SLCO1B3: variants seen among roughly 807,000 people sequenced by gnomAD.
The protein encoded by SLCO1B3 is liver-specific organic anion transporter 2.
A neutral mutation model predicts 71.8 loss-of-function variants in SLCO1B3; 72 were observed. That is an observed-to-expected ratio of 1.00 (90% CI 0.83 to 1.22). SLCO1B3 has a LOEUF of 1.22. SLCO1B3 is among the 50% of genes most tolerant of loss of function. SLCO1B3 has a pLI of 0.00. For synonymous variants in SLCO1B3, 298 were observed against 278.4 expected, an observed-to-expected ratio of 1.07 and a Z score of -0.70; for missense variants, 911 against 819.7, an observed-to-expected ratio of 1.11 and a Z score of -1.36.
At chr12:20,832,078 T>C (rs1009049308) in intron 3 of SLCO1B3, among the ~76,000 whole-genome samples, 2 of 152,216 alleles carry the variant, frequency 1.3e-5, no homozygotes, top group Non-Finnish European at 2.9e-5. Context: ...TGCTCTCAAC[T>C]CTGTTTCACA....
intron 3 of SLCO1B3, among the ~76,000 whole-genome samples, chr12:20,842,590 A>AT (rs1469958208): frequency 6.6e-6 from 1 of 152,066 alleles, no homozygotes; most frequent in Non-Finnish European, 1.5e-5. Flanking sequence ...GCATATTTAG[A>AT]TTTTTCAAAA....
Position 20,894,095 on chromosome 12 carries a change from G to C in SLCO1B3, c.1683-4341G>C, listed in dbSNP as rs138826263. On this transcript the variant is annotated intron_variant, in intron 13 of 15. Coordinates refer to ENST00000381545, the MANE Select transcript of SLCO1B3 (RefSeq NM_019844.4). ...ATTACCTCAAGAAACAGCAGGTCATGATGGTTGATTGTCATTAGAAAGAAC... is the reference window on the plus strand; with the variant it reads ...ATTACCTCAAGAAACAGCAGGTCATCATGGTTGATTGTCATTAGAAAGAAC... Among the ~76,000 whole-genome samples, 23 of 152,320 alleles carry C rather than the reference G, an allele frequency of 1.5e-4. No individual in the cohort carries two copies. The East Asian group carries it at 4.4e-3, about 29-fold the overall frequency.
intron 3 of SLCO1B3, among the ~76,000 whole-genome samples, chr12:20,826,524 A>G (rs1864425409): frequency 6.6e-6 from 1 of 151,854 alleles, no homozygotes; most frequent in African/African-American, 2.4e-5. Context: ...ATTATAAATA[A>G]TTTCCCTTTA....
intron 8 of SLCO1B3, among the ~76,000 whole-genome samples, chr12:20,873,851 G>T (rs1865525759): frequency 6.6e-6 from 1 of 152,102 alleles, no homozygotes; most frequent in Admixed American, 6.6e-5. Flanking sequence ...GTGAGAACAT[G>T]CAGTGTTTGA....
intron 10 of SLCO1B3, among the ~76,000 whole-genome samples, chr12:20,878,372 A>C (rs1373685847): frequency 1.3e-5 from 2 of 152,140 alleles, no homozygotes; most frequent in African/African-American, 4.8e-5. Flanking sequence ...AAGGAGAATC[A>C]ATTTAAATAC....
chr12:20,830,463 T>C (rs576641086), intron 3 of SLCO1B3, among the ~76,000 whole-genome samples: 77 of 152,266 alleles, frequency 5.1e-4, no homozygotes, highest in Non-Finnish European at 9.4e-4. Context: ...AATGAGCAGG[T>C]AGGTAAATAG....
intron 13 of SLCO1B3, among the ~76,000 whole-genome samples, chr12:20,885,730 G>GA (rs752183239): frequency 3.5e-4 from 53 of 151,926 alleles, no homozygotes; most frequent in Non-Finnish European, 6.3e-4. Context: ...TACAAGGTTA[G>GA]AAAAAAGTGT....
chr12:20,910,227 A>T (rs1283081783), intron 15 of SLCO1B3, among the ~76,000 whole-genome samples: 3 of 152,154 alleles, frequency 2.0e-5, no homozygotes, highest in Admixed American at 6.5e-5. Context: ...TCTCCATTGT[A>T]GTACCTTTAT....
At chr12:20,911,722 G>A (rs1205562089) in intron 15 of SLCO1B3, among the ~76,000 whole-genome samples, 1 of 152,174 alleles carries the variant, frequency 6.6e-6, no homozygotes, top group Non-Finnish European at 1.5e-5. Flanking sequence ...TTGGGGGCAT[G>A]ATGTTGTTTA....
chr12:20,882,484 GCCTCCACC>G (rs1565601153), intron 12 of SLCO1B3, among the ~76,000 whole-genome samples: 1 of 151,862 alleles, frequency 6.6e-6, no homozygotes, highest in Non-Finnish European at 1.5e-5. Flanking sequence ...GCTCACTGCA[GCCTCCACC>G]TCCTGGGTTC....
At chr12:20,825,529 C>G (rs1247411681) in intron 3 of SLCO1B3, among the ~76,000 whole-genome samples, 1 of 152,056 alleles carries the variant, frequency 6.6e-6, no homozygotes, top group Non-Finnish European at 1.5e-5. Flanking sequence ...GCCACGGTGG[C>G]TCATTCTTGT....
chr12:20,905,723 A>G (rs1288084446), intron 15 of SLCO1B3, among the ~76,000 whole-genome samples: 1 of 152,186 alleles, frequency 6.6e-6, no homozygotes, highest in African/African-American at 2.4e-5. Flanking sequence ...CATTGTCCAT[A>G]TCACTAGCAG....
At chr12:20,912,735 G>A (rs1017200123) in intron 15 of SLCO1B3, among the ~76,000 whole-genome samples, 1 of 151,338 alleles carries the variant, frequency 6.6e-6, no homozygotes, top group African/African-American at 2.4e-5. Context: ...TGTTGGCCAG[G>A]ATGGTCTCAA....
intron 3 of SLCO1B3, among the ~76,000 whole-genome samples, chr12:20,854,450 G>T (rs955555900): frequency 6.6e-6 from 1 of 152,140 alleles, no homozygotes; most frequent in East Asian, 1.9e-4. Context: ...CCGCTATAAT[G>T]TCCTTTGTCT....
At chr12:20,832,914 C>T (rs756932657) in intron 3 of SLCO1B3, among the ~76,000 whole-genome samples, 21 of 151,552 alleles carry the variant, frequency 1.4e-4, no homozygotes, top group Admixed American at 2.7e-4. Flanking sequence ...TGCGTGTTTG[C>T]GCACGTGTGT....
chr12:20,850,006 G>A (rs746131869), intron 3 of SLCO1B3, among the ~76,000 whole-genome samples: 9 of 145,752 alleles, frequency 6.2e-5, no homozygotes, highest in South Asian at 2.1e-4. Flanking sequence ...CAGATTTACC[G>A]CACATTCTAT....
chr12:20,844,441 C>T (rs1193863537), intron 3 of SLCO1B3, among the ~76,000 whole-genome samples: 1 of 151,590 alleles, frequency 6.6e-6, no homozygotes, highest in Non-Finnish European at 1.5e-5. Flanking sequence ...TGGCATATAC[C>T]CCTGTAGTAC....
rs1206995534 is a variant in SLCO1B3 at position 20,916,104 on chromosome 12, A to C, written c.1966A>C (p.Thr656Pro). 6.2e-7 allele frequency: 1 copy of C among 1,613,404 alleles called. No homozygotes were observed. The highest frequency in any genetic ancestry group is 2.2e-5 in the East Asian group (1 of 44,752). The stretch of plus-strand genomic sequence containing the variant: ...GAAGAAAAAATTTCAAGGAAAAGAT[A>C]CCAAGGCATCGGACAATGAAAGAAA... ...AMKKKFQGKD[T>P]KASDNERKVM... is the part of the protein sequence containing the mutation. Residue 656 changes from threonine to proline, a missense_variant, in exon 16 of 16, where the codon ACC becomes CCC. Transcript: ENST00000381545.
At position 20,879,541 on chromosome 12, in the gene SLCO1B3, C is replaced by T. The variant is rs146940490; in HGVS notation, c.1241C>T (p.Thr414Ile). 4.1e-4 allele frequency: 658 copies of T among 1,612,002 alleles called. 4 individuals are homozygous for T. Among genetic ancestry groups the T allele is most frequent in the South Asian group, 2.6e-3 (233 of 90,984 alleles). The change falls in exon 11 of 16, where the codon ACT becomes ATT. Residue 414 changes from threonine to isoleucine, a missense_variant. Thr to Ile is a moderately conservative substitution (Grantham distance 89). Transcript: ENST00000381545. ...GGAATTGCCAAATTTTCATTTCTTA[C>T]TTCGATGATATCCTTCTTGTTTCAA... ...LVGIAKFSFL[T>I]SMISFLFQLL...
Sources: gnomAD v4.1 joint callset for allele counts (sites outside exome capture counted in the v4.1 genomes callset) on GRCh38, gnomAD v4.1.1 for gene constraint, MANE v1.5 for transcripts, NCBI Gene and HGNC (gene_info 2026-07-23, HGNC 2026-07-21) for gene names.